RAD51C: variants seen among roughly 807,000 people sequenced by gnomAD.
RAD51C encodes RAD51 paralog C.
In RAD51C, 42 loss-of-function variants were observed where a neutral mutation model predicts 45.0. That is an observed-to-expected ratio of 0.93 (90% confidence interval 0.73 to 1.21). The LOEUF is 1.21. Among genes scored for constraint, RAD51C ranks in the 50% most tolerant of loss-of-function variants. The pLI is 0.00. For synonymous variants in RAD51C, 172 were observed against 159.8 expected, an observed-to-expected ratio of 1.08 and a Z score of -0.58; for missense variants, 474 against 452.2, an observed-to-expected ratio of 1.05 and a Z score of -0.44.
rs573302185 is a variant in RAD51C, at chr17:58,732,599, A to G, written c.1026+55A>G. ...TGATATTGATGGGCGGTAATTATCT[A>G]AAGAGAGAATTTACAACTTGCTTCT... On this transcript the variant is annotated intron_variant, in intron 8 of 8. Coordinates refer to ENST00000337432, the MANE Select transcript of RAD51C (RefSeq NM_058216.3). 9.2e-6 allele frequency: 14 copies of G among 1,523,932 alleles called. 1 individual carries two copies. The African/African-American group carries it at 1.2e-4, about 13-fold the overall frequency. The allele number at this position is 1,523,932 out of a possible 1,614,324, so 94.4% of individuals were successfully genotyped here.
At position 58,734,371 on chromosome 17, in the gene RAD51C, T is replaced by C; in HGVS notation, c.*149T>C. ...AGTGAATGGGAAAAATACCTAAATA[T>C]GATTCTGTGAAAGTTTTTCTAAAGC... On this transcript the variant is annotated 3_prime_UTR_variant, in exon 9 of 9. Transcript: ENST00000337432. 1 of 1,365,564 alleles carries C rather than the reference T, an allele frequency of 7.3e-7. No homozygotes were observed. Among genetic ancestry groups the C allele is most frequent in the Non-Finnish European group, 9.9e-7 (1 of 1,014,260 alleles). The allele number at this position is 1,365,564 out of a possible 1,614,324, so 84.6% of individuals were successfully genotyped here. A position where few individuals can be genotyped will look rare whatever the true frequency, so the allele number is the denominator to read the frequency against.
At chr17:58,698,821 A>G (rs1346032861) in intron 3 of RAD51C, among the ~76,000 whole-genome samples, 1 of 150,012 alleles carries the variant, frequency 6.7e-6, no homozygotes, top group African/African-American at 2.4e-5. Context: ...ACTCAGGAGG[A>G]TGAGGCAGGA....
At chr17:58,728,404 C>CT (rs71143283) in intron 7 of RAD51C, among the ~76,000 whole-genome samples, 48 of 129,698 alleles carry the variant, frequency 3.7e-4, no homozygotes, top group Non-Finnish European at 5.7e-4. Flanking sequence ...TTTTTTTTTT[C>CT]TTTTTTTTTT....
intron 4 of RAD51C, chr17:58,706,507 A>G: frequency 4.4e-6 from 2 of 450,758 alleles, no homozygotes; most frequent in Non-Finnish European, 9.2e-6. Flanking sequence ...CAGTAGCAGA[A>G]TCACCCTACT....
intron 5 of RAD51C, among the ~76,000 whole-genome samples, chr17:58,720,339 C>A (rs2048872094): frequency 6.6e-6 from 1 of 151,044 alleles, no homozygotes; most frequent in Non-Finnish European, 1.5e-5. Flanking sequence ...TGGTGTGAAC[C>A]CAGGAGGCAG....
At chr17:58,702,333 GTA>G (rs549825422) in intron 3 of RAD51C, among the ~76,000 whole-genome samples, 1 of 152,086 alleles carries the variant, frequency 6.6e-6, no homozygotes, top group South Asian at 2.1e-4. Context: ...AACACTAGTT[GTA>G]TATGTTTATA....
intron 8 of RAD51C, among the ~76,000 whole-genome samples, chr17:58,733,301 C>T (rs1022284135): frequency 6.6e-6 from 1 of 152,146 alleles, no homozygotes; most frequent in Non-Finnish European, 1.5e-5. Flanking sequence ...CAGGCGTGAG[C>T]CACCGAGCCC....
At chr17:58,716,993 G>A (rs1336784701) in intron 5 of RAD51C, among the ~76,000 whole-genome samples, 2 of 151,882 alleles carry the variant, frequency 1.3e-5, no homozygotes, top group African/African-American at 2.4e-5. Context: ...TAGTAGAGAC[G>A]GGGTTTCACC....
rs745755962 is a variant in RAD51C, at chr17:58,696,757, T to A, written c.469T>A (p.Phe157Ile). 6.2e-7 allele frequency: 1 copy of A among 1,614,210 alleles called. No homozygotes were observed. The highest frequency in any genetic ancestry group is 8.5e-7 in the Non-Finnish European group (1 of 1,180,042). The change falls in exon 3 of 9, where the codon TTT (phenylalanine) becomes ATT (isoleucine). Residue 157 changes from phenylalanine (F) to isoleucine (I), a missense_variant. Coordinates refer to ENST00000337432, the MANE Select transcript of RAD51C (RefSeq NM_058216.3). Reference protein sequence around the residue: ...CFGGVAGEAVFIDTEGSFMVD... With the variant: ...CFGGVAGEAVIIDTEGSFMVD... ...TGGAGGAGTGGCAGGTGAAGCAGTT[T>A]TTATTGATACAGAGGGAAGTTTTAT...
intron 8 of RAD51C, chr17:58,732,818 A>G (rs1209504775): frequency 2.7e-6 from 1 of 373,818 alleles, no homozygotes; most frequent in Non-Finnish European, 4.9e-6. Flanking sequence ...AAAATCTTTA[A>G]AGTGAAAGTT....
At chr17:58,724,429 G>A (rs1204568135) in intron 7 of RAD51C, among the ~76,000 whole-genome samples, 2 of 146,230 alleles carry the variant, frequency 1.4e-5, no homozygotes, top group Non-Finnish European at 3.0e-5. Context: ...TGTGTTCCTG[G>A]AAGAGATTGA....
At chr17:58,698,662 G>C (rs1174675515) in intron 3 of RAD51C, among the ~76,000 whole-genome samples, 1 of 151,354 alleles carries the variant, frequency 6.6e-6, no homozygotes, top group Non-Finnish European at 1.5e-5. Context: ...TTTATAGGCC[G>C]GGTGCAGTGT....
chr17:58,723,700 A>G (rs1350440737), intron 6 of RAD51C, among the ~76,000 whole-genome samples: 1 of 151,612 alleles, frequency 6.6e-6, no homozygotes. Flanking sequence ...TATTCTGTTG[A>G]TGTCAAAAAA....
At chr17:58,729,487 T>C (rs1000588410) in intron 7 of RAD51C, among the ~76,000 whole-genome samples, 1 of 152,122 alleles carries the variant, frequency 6.6e-6, no homozygotes, top group Non-Finnish European at 1.5e-5. Flanking sequence ...AGGGCTGGGA[T>C]TACAGGTGTG....
rs566139954 is a variant in RAD51C at position 58,711,153 on chromosome 17, A to T, written c.837+1163A>T. Among the ~76,000 whole-genome samples the T allele has an allele frequency of 2.6e-5, 4 of 152,276 alleles. No individual in the cohort carries two copies. The East Asian group carries it at 7.7e-4, about 29-fold the overall frequency. On this transcript the variant is annotated intron_variant, in intron 5 of 8. Transcript: ENST00000337432. Reference sequence around the variant, plus strand: ...TTGTTAATATCAGTGAAGAGCCTCCAGTAGGGGGCACTCAAGACTAATAGG... The same window carrying T: ...TTGTTAATATCAGTGAAGAGCCTCCTGTAGGGGGCACTCAAGACTAATAGG...
intron 5 of RAD51C, among the ~76,000 whole-genome samples, chr17:58,710,514 A>AG (rs1034558488): frequency 6.6e-6 from 1 of 151,304 alleles, no homozygotes; most frequent in Non-Finnish European, 1.5e-5. Flanking sequence ...AAAAAAAAAA[A>AG]AGGACTTTGT....
chr17:58,723,733 GT>G (rs1247869458), intron 6 of RAD51C, among the ~76,000 whole-genome samples: 1 of 151,712 alleles, frequency 6.6e-6, no homozygotes, highest in Non-Finnish European at 1.5e-5. Context: ...TTCTACCAGA[GT>G]TTTTACTTTT....
At chr17:58,733,520 T>C (rs756593153) in intron 8 of RAD51C, among the ~76,000 whole-genome samples, 3 of 152,250 alleles carry the variant, frequency 2.0e-5, no homozygotes, top group Non-Finnish European at 4.4e-5. Context: ...TATTTCCTTT[T>C]ACTTCTAACA....
intron 2 of RAD51C, chr17:58,695,473 T>G: frequency 2.7e-6 from 2 of 742,936 alleles, no homozygotes; most frequent in Non-Finnish European, 3.6e-6. Context: ...GAGACTATAT[T>G]TGAAAGTCAG....
Sources: gnomAD v4.1 joint callset for allele counts (sites outside exome capture counted in the v4.1 genomes callset) on GRCh38, gnomAD v4.1.1 for gene constraint, MANE v1.5 for transcripts, NCBI Gene and HGNC (gene_info 2026-07-23, HGNC 2026-07-21) for gene names.